NTM: variants seen among roughly 807,000 people sequenced by gnomAD.
NTM encodes IgLON family member 2.
Under a neutral mutation model 42.1 loss-of-function variants are expected in NTM, and 13 were observed. The observed-to-expected ratio is 0.31, with a 90% confidence interval of 0.20 to 0.49. The LOEUF is 0.49. NTM is among the 20% of genes least tolerant of loss of function. NTM has a pLI of 0.99. For missense variants in NTM, 373 were observed against 452.8 expected (o/e 0.82, Z 1.60); for synonymous variants, 187 against 179.2 (o/e 1.04, Z -0.35).
chr11:131,781,278 TA>T (rs141237685), intron 1 of NTM, among the ~76,000 whole-genome samples: 8,267 of 150,896 alleles, frequency 0.055, 773 homozygotes, highest in African/African-American at 0.19. Context: ...AACAAAGAAG[TA>T]AAAAAAAATT....
chr11:131,995,713 C>A (rs74325206), intron 2 of NTM, among the ~76,000 whole-genome samples: 3,544 of 152,138 alleles, frequency 0.023, 135 homozygotes, highest in African/African-American at 0.081. Flanking sequence ...GAAAGCCAAC[C>A]ACCAAGACAA....
At chr11:132,266,994 A>G (rs1303047171) in intron 4 of NTM, among the ~76,000 whole-genome samples, 1 of 152,200 alleles carries the variant, frequency 6.6e-6, no homozygotes, top group Non-Finnish European at 1.5e-5. Flanking sequence ...ATCATGACGG[A>G]AATAACCAAC....
Position 131,794,658 on chromosome 11 carries a change from A to C in NTM, c.83-116906A>C, listed in dbSNP as rs76666408. On this transcript the variant is annotated intron_variant, in intron 1 of 8. Coordinates refer to ENST00000683400, the MANE Select transcript of NTM (RefSeq NM_001352005.2). ...GAATGAATGAATGAGTAGTGCATATACGGGCAAAACTGCACCTTTTAGAAG... is the reference window on the plus strand; with the variant it reads ...GAATGAATGAATGAGTAGTGCATATCCGGGCAAAACTGCACCTTTTAGAAG... 8.5e-3 allele frequency: 8,358 copies of C among 983,988 alleles called. 526 individuals carry two copies. In the African/African-American group the frequency reaches 0.13, roughly 16 times the overall value. 61.0% of individuals were successfully genotyped at this position (983,988 alleles called of 1,614,324 possible). A position where few individuals can be genotyped will look rare whatever the true frequency, so the allele number is the denominator to read the frequency against.
At chr11:131,923,729 G>A (rs1408306454) in intron 2 of NTM, among the ~76,000 whole-genome samples, 2 of 152,236 alleles carry the variant, frequency 1.3e-5, no homozygotes, top group African/African-American at 2.4e-5. Flanking sequence ...CTGTGAGCCT[G>A]AAGTTTCACG....
chr11:132,327,155 T>C (rs1331330692), intron 7 of NTM, among the ~76,000 whole-genome samples: 1 of 152,226 alleles, frequency 6.6e-6, no homozygotes, highest in African/African-American at 2.4e-5. Context: ...TCAAGGATGT[T>C]CCACCATCCC....
At chr11:131,738,300 G>C (rs2080749051) in intron 1 of NTM, among the ~76,000 whole-genome samples, 1 of 152,172 alleles carries the variant, frequency 6.6e-6, no homozygotes, top group Non-Finnish European at 1.5e-5. Context: ...CTCATCCTAT[G>C]GGTTTCACCC....
At chr11:131,498,306 T>G (rs1455409932) in intron 1 of NTM, among the ~76,000 whole-genome samples, 2 of 152,134 alleles carry the variant, frequency 1.3e-5, no homozygotes, top group African/African-American at 2.4e-5. Flanking sequence ...AAAAGAGAGG[T>G]AAGGATATTA....
At chr11:131,736,271 G>A (rs922392248) in intron 1 of NTM, among the ~76,000 whole-genome samples, 2 of 152,128 alleles carry the variant, frequency 1.3e-5, no homozygotes, top group African/African-American at 4.8e-5. Context: ...CAAGCTACTT[G>A]GTATCCAAAA....
At chr11:131,789,887 C>G (rs982429390) in intron 1 of NTM, among the ~76,000 whole-genome samples, 1 of 127,698 alleles carries the variant, frequency 7.8e-6, no homozygotes, top group Non-Finnish European at 1.6e-5. Context: ...ACCCGGGAGG[C>G]GGAGCTTGCA....
At chr11:131,822,447 G>T (rs902678490) in intron 1 of NTM, among the ~76,000 whole-genome samples, 9 of 152,066 alleles carry the variant, frequency 5.9e-5, no homozygotes, top group Non-Finnish European at 1.3e-4. Flanking sequence ...ATGAATTATG[G>T]TTTTTTTAAA....
chr11:131,458,938 G>T (rs976543146), intron 1 of NTM, among the ~76,000 whole-genome samples: 7 of 152,232 alleles, frequency 4.6e-5, no homozygotes, highest in African/African-American at 1.7e-4. Context: ...TTCAGGAGTT[G>T]CACTTGGATA....
At chr11:131,659,720 G>T (rs554416308) in intron 1 of NTM, among the ~76,000 whole-genome samples, 21 of 152,246 alleles carry the variant, frequency 1.4e-4, no homozygotes, top group Admixed American at 4.6e-4. Flanking sequence ...TGCAATATTT[G>T]ACCGTAATTC....
At chr11:131,832,238 T>C (rs770673680) in intron 1 of NTM, among the ~76,000 whole-genome samples, 8 of 151,482 alleles carry the variant, frequency 5.3e-5, no homozygotes, top group Non-Finnish European at 8.8e-5. Context: ...CTTCCTCTTC[T>C]CACTCATGGG....
intron 1 of NTM, among the ~76,000 whole-genome samples, chr11:131,602,421 C>T (rs1013842402): frequency 3.9e-5 from 6 of 152,142 alleles, no homozygotes; most frequent in Non-Finnish European, 5.9e-5. Context: ...CTCAAAAAGT[C>T]GGTCTCCTCA....
intron 2 of NTM, among the ~76,000 whole-genome samples, chr11:132,115,638 C>T (rs1006004551): frequency 6.6e-6 from 1 of 152,180 alleles, no homozygotes; most frequent in African/African-American, 2.4e-5. Context: ...GTTCTACGCA[C>T]AGTAGCCTCG....
At chr11:131,803,030 G>A (rs1374712123) in intron 1 of NTM, among the ~76,000 whole-genome samples, 1 of 152,166 alleles carries the variant, frequency 6.6e-6, no homozygotes, top group Non-Finnish European at 1.5e-5. Flanking sequence ...ATTCTAGCAT[G>A]TCATGTACCT....
intron 4 of NTM, among the ~76,000 whole-genome samples, chr11:132,298,044 G>T (rs1465612097): frequency 6.6e-6 from 1 of 152,176 alleles, no homozygotes; most frequent in Admixed American, 6.5e-5. Context: ...CTTCTTATCT[G>T]ATCCTGAGCA....
chr11:132,330,849 T>A (rs1043471191), intron 8 of NTM, among the ~76,000 whole-genome samples: 7 of 152,162 alleles, frequency 4.6e-5, no homozygotes, highest in Non-Finnish European at 1.0e-4. Flanking sequence ...GAATGAAGAA[T>A]GGAGGCCTCA....
At chr11:132,307,011 C>T (rs1048875524) in intron 4 of NTM, among the ~76,000 whole-genome samples, 5 of 152,132 alleles carry the variant, frequency 3.3e-5, no homozygotes, top group African/African-American at 1.2e-4. Flanking sequence ...TTCGCAGCCA[C>T]GTCGCCTGAT....
Sources: allele counts gnomAD v4.1 joint callset (sites outside exome capture counted in the v4.1 genomes callset), GRCh38; gene constraint gnomAD v4.1.1; transcripts MANE v1.5; gene names NCBI Gene and HGNC (gene_info 2026-07-23, HGNC 2026-07-21).